Variants in ANO2 observed in about 807,000 individuals in gnomAD.
ANO2 encodes anoctamin 2.
In ANO2, 101 loss-of-function variants were observed where a neutral mutation model predicts 124.2. The ratio of observed to expected loss-of-function variants is 0.81; its 90% confidence interval spans 0.69 to 0.96. The LOEUF is 0.96. Ranked by LOEUF, ANO2 falls within the 40% of genes least tolerant of loss-of-function variation. The pLI is 0.00. For missense variants in ANO2, 1,293 were observed against 1,274.5 expected, an observed-to-expected ratio of 1.01 and a Z score of -0.22; for synonymous variants, 486 against 482.5, an observed-to-expected ratio of 1.01 and a Z score of -0.09.
At chr12:5,738,310 G>C (rs1433038220) in intron 13 of ANO2, among the ~76,000 whole-genome samples, 1 of 152,238 alleles carries the variant, frequency 6.6e-6, no homozygotes, top group Non-Finnish European at 1.5e-5. Context: ...AGGGCCACAA[G>C]GCCCCAGGTC....
intron 12 of ANO2, chr12:5,739,766 A>C: frequency 2.4e-6 from 1 of 420,294 alleles, no homozygotes; most frequent in South Asian, 1.8e-5. Context: ...TTGCCTACGC[A>C]TACATTCTTT....
At chr12:5,588,895 C>A (rs1449502259) in intron 20 of ANO2, among the ~76,000 whole-genome samples, 1 of 152,188 alleles carries the variant, frequency 6.6e-6, no homozygotes, top group Non-Finnish European at 1.5e-5. Flanking sequence ...TTATACGACG[C>A]CATGCCCTAG....
chr12:5,617,140 C>A (rs1159965139), intron 16 of ANO2, among the ~76,000 whole-genome samples: 4 of 138,238 alleles, frequency 2.9e-5, no homozygotes, highest in Non-Finnish European at 6.3e-5. Context: ...ACTCTCCAGA[C>A]CACAGTGTAC....
chr12:5,822,127 G>A (rs1477101887), intron 7 of ANO2, among the ~76,000 whole-genome samples: 1 of 152,172 alleles, frequency 6.6e-6, no homozygotes, highest in Non-Finnish European at 1.5e-5. Flanking sequence ...TTCCCAGTGG[G>A]CACTTCGAGT....
chr12:5,783,667 G>C (rs1417565467), intron 10 of ANO2, among the ~76,000 whole-genome samples: 1 of 152,236 alleles, frequency 6.6e-6, no homozygotes, highest in Non-Finnish European at 1.5e-5. Flanking sequence ...AGGCTGTGAA[G>C]TCATCACTTC....
At chr12:5,809,764 T>C (rs1953327890) in intron 7 of ANO2, among the ~76,000 whole-genome samples, 1 of 152,220 alleles carries the variant, frequency 6.6e-6, no homozygotes, top group Non-Finnish European at 1.5e-5. Flanking sequence ...GCTCATTGTT[T>C]TGTGTTCCCC....
At chr12:5,666,567 A>C (rs1947730074) in intron 14 of ANO2, among the ~76,000 whole-genome samples, 2 of 152,162 alleles carry the variant, frequency 1.3e-5, no homozygotes, top group Admixed American at 6.5e-5. Context: ...AGGAAAAAAA[A>C]ATTGTTTAAG....
intron 11 of ANO2, among the ~76,000 whole-genome samples, chr12:5,747,770 T>C (rs953327811): frequency 5.9e-5 from 9 of 152,230 alleles, no homozygotes; most frequent in Admixed American, 5.9e-4. Flanking sequence ...TTCTAGCTTA[T>C]CTTACCCCAT....
chr12:5,581,694 T>A (rs775158507), intron 20 of ANO2, among the ~76,000 whole-genome samples: 9 of 152,076 alleles, frequency 5.9e-5, no homozygotes, highest in Non-Finnish European at 1.0e-4. Context: ...CCCTCCTCCT[T>A]CCCCTCGCCA....
intron 3 of ANO2, among the ~76,000 whole-genome samples, chr12:5,917,048 G>T (rs1372332211): frequency 6.6e-6 from 1 of 152,166 alleles, no homozygotes; most frequent in African/African-American, 2.4e-5. Context: ...AAGAAGTGCT[G>T]AGTGGCCTTG....
At position 5,787,582 on chromosome 12, in the gene ANO2, C is replaced by T. The variant is rs187959045; in HGVS notation, c.1055+11925G>A. ...ATGAGGATGATAGTATCGATCTCGA[C>T]GGGGTGTTGTGAGTTAGCAAATGCC... On this transcript the variant is annotated intron_variant, in intron 10 of 24. Transcript: ENST00000682330. This position sits in a 1 kb window ranked among gnomAD's most constrained non-coding sequence, Gnocchi z 4.2. 5.3e-4 allele frequency among the ~76,000 whole-genome samples: 81 copies of T among 152,228 alleles called. No homozygotes were observed. Among genetic ancestry groups the T allele is most frequent in the African/African-American group, 1.8e-3 (73 of 41,534 alleles).
At chr12:5,567,006 A>AGAAGAGAAAAAGAG (rs543548865) in intron 23 of ANO2, among the ~76,000 whole-genome samples, 21 of 152,214 alleles carry the variant, frequency 1.4e-4, no homozygotes, top group South Asian at 4.1e-4. Context: ...AGAGAAGAAG[A>AGAAGAGAAAAAGAG]GAAGAGAAAA....
At chr12:5,604,216 G>A (rs1216855281) in intron 19 of ANO2, among the ~76,000 whole-genome samples, 1 of 152,170 alleles carries the variant, frequency 6.6e-6, no homozygotes, top group Admixed American at 6.5e-5. Context: ...CTTAGGGCAT[G>A]TGTGTGGTTG....
intron 3 of ANO2, among the ~76,000 whole-genome samples, chr12:5,863,258 G>A (rs1434058816): frequency 6.6e-6 from 1 of 152,196 alleles, no homozygotes; most frequent in Non-Finnish European, 1.5e-5. Context: ...GGACCCCAAA[G>A]GCAGCACGGC....
rs1954015994 is a variant in ANO2, at chr12:5,827,757, T to G, written c.892+12A>C. ...GCCCGTCAGCACCCTGCCCGCGGGCTGGGGTCCTTACCCATCGTGTTGTTG... is the reference window on the plus strand; with the variant it reads ...GCCCGTCAGCACCCTGCCCGCGGGCGGGGGTCCTTACCCATCGTGTTGTTG... On this transcript the variant is annotated intron_variant, in intron 7 of 24. Transcript: ENST00000682330. 1.2e-6 allele frequency: 2 copies of G among 1,608,438 alleles called. No individual in the cohort carries two copies. The highest frequency in any genetic ancestry group is 1.3e-5 in the African/African-American group (1 of 74,826).
chr12:5,813,100 G>A (rs947918782), intron 7 of ANO2, among the ~76,000 whole-genome samples: 1 of 151,950 alleles, frequency 6.6e-6, no homozygotes, highest in African/African-American at 2.4e-5. Context: ...AAGAGAGGAA[G>A]GAAGGAAAGG....
chr12:5,635,262 C>A lies in ANO2; in HGVS notation c.1706G>T (p.Arg569Leu), dbSNP rs781061139. 1 of 1,612,428 alleles carries A rather than the reference C, an allele frequency of 6.2e-7. No individual in the cohort carries two copies. Among genetic ancestry groups the A allele is most frequent in the Non-Finnish European group, 8.5e-7 (1 of 1,179,584 alleles). ...TGTCACTGTCACCCGGACATTGGAGCGTGTAGCCTTATTGAGAGACAGAGC... is the reference window on the plus strand; with the variant it reads ...TGTCACTGTCACCCGGACATTGGAGAGTGTAGCCTTATTGAGAGACAGAGC... ...AAALSLNKAT[R>L]SNVRVTVTAT... The change falls in exon 16 of 25, where the codon CGC becomes CTC. Residue 569 changes from arginine (R) to leucine (L), a missense_variant. Transcript: ENST00000682330. The surrounding 1 kb of genome is among the most constrained non-coding windows in gnomAD (Gnocchi z 5.2).
chr12:5,567,471 C>T (rs1429215975), intron 23 of ANO2, among the ~76,000 whole-genome samples: 1 of 152,158 alleles, frequency 6.6e-6, no homozygotes, highest in Admixed American at 6.5e-5. Flanking sequence ...GAGAAGGGTG[C>T]CACACACACA....
chr12:5,647,403 A>G (rs1946696072), intron 15 of ANO2, among the ~76,000 whole-genome samples: 1 of 152,214 alleles, frequency 6.6e-6, no homozygotes, highest in Non-Finnish European at 1.5e-5. Context: ...ACCCTGGTCT[A>G]TCCACAAACG....
Sources: gnomAD v4.1 joint callset for allele counts (sites outside exome capture counted in the v4.1 genomes callset) on GRCh38, gnomAD v4.1.1 for gene constraint, Gnocchi (gnomAD v3.1) non-coding constraint, MANE v1.5 for transcripts, NCBI Gene and HGNC (gene_info 2026-07-23, HGNC 2026-07-21) for gene names.